Variants in LEPROTL1 observed in about 807,000 individuals in gnomAD.
The protein encoded by LEPROTL1 is leptin receptor overlapping transcript like 1.
LEPROTL1 carries 6 observed loss-of-function variants against 15.4 expected under a neutral mutation model. That is an observed-to-expected ratio of 0.39 (90% CI 0.21 to 0.77). The LOEUF (loss-of-function observed/expected upper bound fraction) is 0.77. LEPROTL1 is among the 30% of genes least tolerant of loss of function. The pLI, the probability that LEPROTL1 is intolerant of heterozygous loss-of-function variation, is 0.41. For missense variants in LEPROTL1, 128 were observed against 158.1 expected, an observed-to-expected ratio of 0.81 and a Z score of 1.02; for synonymous variants, 56 against 52.6, an observed-to-expected ratio of 1.06 and a Z score of -0.28.
chr8:30,137,160 G>A, intron 4 of LEPROTL1: 2 of 832,858 alleles, frequency 2.4e-6, no homozygotes, highest in East Asian at 5.3e-5. Flanking sequence ...AGAGAGCCAG[G>A]AACATGAGAT....
chr8:30,113,273 C>CA (rs1456091475), downstream of LEPROTL1, among the ~76,000 whole-genome samples: 1 of 151,344 alleles, frequency 6.6e-6, no homozygotes, highest in African/African-American at 2.5e-5. Flanking sequence ...AAGACTGTCA[C>CA]AAAAACAAAA....
At chr8:30,111,234 C>T (rs1279943388), downstream of LEPROTL1, among the ~76,000 whole-genome samples, 1 of 152,068 alleles carries the variant, frequency 6.6e-6, no homozygotes, top group Non-Finnish European at 1.5e-5. Flanking sequence ...GCAGTGAAGA[C>T]AAAGGTGTTA....
chr8:30,118,930 C>T (rs1404054358), intron 3 of LEPROTL1, among the ~76,000 whole-genome samples: 3 of 152,186 alleles, frequency 2.0e-5, no homozygotes, highest in Non-Finnish European at 4.4e-5. Flanking sequence ...TGTCTCGCCT[C>T]CCTTCCTCTT....
At chr8:30,099,493 C>CAGG (rs2117475441) in intron 1 of LEPROTL1, among the ~76,000 whole-genome samples, 1 of 22,646 alleles carries the variant, frequency 4.4e-5, no homozygotes, top group South Asian at 0.012. Context: ...CCCAGCTACT[C>CAGG]AGAAAGGCTG....
chr8:30,120,612 C>A (rs1036314226), intron 3 of LEPROTL1, among the ~76,000 whole-genome samples: 2 of 152,166 alleles, frequency 1.3e-5, no homozygotes, highest in Admixed American at 6.5e-5. Context: ...TTCACTGCAA[C>A]CTTCGCCTCT....
chr8:30,110,458 G>A (rs549987943), downstream of LEPROTL1, among the ~76,000 whole-genome samples: 8 of 152,230 alleles, frequency 5.3e-5, no homozygotes, highest in African/African-American at 1.9e-4. Flanking sequence ...GGGCATGGTG[G>A]CTCACACCTG....
intron 3 of LEPROTL1, among the ~76,000 whole-genome samples, chr8:30,114,319 C>T (rs1171569396): frequency 8.2e-6 from 1 of 121,424 alleles, no homozygotes; most frequent in East Asian, 2.4e-4. Flanking sequence ...GAGATGGAGT[C>T]TGGCTCTGTC....
intron 1 of LEPROTL1, among the ~76,000 whole-genome samples, chr8:30,097,341 G>A (rs1802382601): frequency 6.7e-6 from 1 of 150,118 alleles, no homozygotes; most frequent in South Asian, 2.1e-4. Flanking sequence ...TGGAAGATGA[G>A]ATGTCACATC....
chr8:30,114,534 G>C (rs576098385), intron 3 of LEPROTL1, among the ~76,000 whole-genome samples: 18 of 152,080 alleles, frequency 1.2e-4, no homozygotes, highest in African/African-American at 4.3e-4. Context: ...GAAGTCATCT[G>C]CCTGCCTCAG....
rs962389245 is a variant in LEPROTL1, at chr8:30,106,087, C to G, written c.*225C>G. ...AAAGCTTGACTGATTTCACACTTAT[C>G]TATAGTATGCTTTTTGTGGTGTCCT... On this transcript the variant is annotated 3_prime_UTR_variant, in exon 4 of 4. Transcript: ENST00000321250. The G allele has an allele frequency of 9.4e-7, 1 of 1,061,678 alleles. No homozygotes were observed. The highest frequency in any genetic ancestry group is 6.5e-5 in the East Asian group (1 of 15,406). 65.8% of individuals were successfully genotyped at this position (1,061,678 alleles called of 1,614,324 possible). A position where few individuals can be genotyped will look rare whatever the true frequency, so the allele number is the denominator to read the frequency against.
chr8:30,110,394 T>C (rs1802636760), downstream of LEPROTL1, among the ~76,000 whole-genome samples: 1 of 151,992 alleles, frequency 6.6e-6, no homozygotes, highest in South Asian at 2.1e-4. Flanking sequence ...CGCGCGTGTG[T>C]GTAGTGGGGG....
intron 3 of LEPROTL1, among the ~76,000 whole-genome samples, chr8:30,118,636 C>T (rs2117509788): frequency 6.6e-6 from 1 of 152,190 alleles, no homozygotes; most frequent in African/African-American, 2.4e-5. Context: ...GAACAGTGGG[C>T]CCAGGAGACT....
chr8:30,138,116 C>T (rs184535520), downstream of LEPROTL1: 2 of 171,302 alleles, frequency 1.2e-5, no homozygotes, highest in East Asian at 3.0e-4. Context: ...CTGGCCTCCC[C>T]CTACCCACCA....
intron 4 of LEPROTL1, among the ~76,000 whole-genome samples, chr8:30,134,660 G>C (rs569944196): frequency 6.7e-6 from 1 of 149,850 alleles, no homozygotes; most frequent in East Asian, 2.0e-4. Context: ...CGATTCTCCT[G>C]CTTCAGCATC....
At chr8:30,115,813 A>G (rs1802732588) in intron 3 of LEPROTL1, among the ~76,000 whole-genome samples, 1 of 152,110 alleles carries the variant, frequency 6.6e-6, no homozygotes, top group South Asian at 2.1e-4. Flanking sequence ...TTTGGCAAAG[A>G]TCTATAAAAA....
chr8:30,133,903 C>G (rs1187170368), intron 4 of LEPROTL1, among the ~76,000 whole-genome samples: 1 of 152,032 alleles, frequency 6.6e-6, no homozygotes, highest in Admixed American at 6.6e-5. Flanking sequence ...AGAGAGGGTT[C>G]TCAATGCTTG....
Position 30,096,444 on chromosome 8 carries a change from T to C in LEPROTL1, c.16+916T>C, listed in dbSNP as rs894796573. The C allele has an allele frequency of 2.1e-5, 20 of 968,800 alleles. No individual in the cohort carries two copies. In the African/African-American group the frequency reaches 3.3e-4, roughly 16 times the overall value. The allele number at this position is 968,800 out of a possible 1,614,324, so 60.0% of individuals were successfully genotyped here. On this transcript the variant is annotated intron_variant, in intron 1 of 3. Transcript: ENST00000321250. ...CAGGTAACTTTGGGAGCAGTGGTTT[T>C]CTTTGTATTTTTTCTTCTCTAAGGA...
intron 1 of LEPROTL1, 43 bp downstream of exon 1, chr8:30,095,571 G>C (rs967601227): frequency 7.5e-7 from 1 of 1,334,780 alleles, no homozygotes; most frequent in Non-Finnish European, 9.6e-7. Context: ...GGGCCGGCGG[G>C]GGAAGATGGG....
rs371206328 is a variant in LEPROTL1 at position 30,103,234 on chromosome 8, A to G, written c.93-1066A>G. On this transcript the variant is annotated intron_variant, in intron 2 of 3. Transcript: ENST00000321250. ...ATGAGGAAGAGCTGTAAGTGCTAAC[A>G]TGTAAATATGTTCAAGACATATTGT... is the stretch of plus-strand genomic sequence containing the variant. 1.1e-4 allele frequency among the ~76,000 whole-genome samples: 17 copies of G among 152,360 alleles called. No individual in the cohort carries two copies. In the East Asian group the frequency reaches 2.9e-3, roughly 26 times the overall value.
Sources: gnomAD v4.1 joint callset for allele counts (sites outside exome capture counted in the v4.1 genomes callset) on GRCh38, gnomAD v4.1.1 for gene constraint, MANE v1.5 for transcripts, NCBI Gene and HGNC (gene_info 2026-07-23, HGNC 2026-07-21) for gene names.